RFX3: variants seen among roughly 807,000 people sequenced by gnomAD.
RFX3 encodes the protein regulatory factor X3, also known as transcription factor RFX3.
In RFX3, 14 loss-of-function variants were observed where a neutral mutation model predicts 98.6. The observed-to-expected ratio is 0.14, with a 90% confidence interval of 0.09 to 0.22. The LOEUF (loss-of-function observed/expected upper bound fraction) is 0.22, where lower values mean the gene tolerates loss of function less well. Ranked by LOEUF, RFX3 falls within the 10% of genes least tolerant of loss-of-function variation. The probability of loss-of-function intolerance (pLI) is 1.00; values close to 1 mark genes in which losing one functional copy is unlikely to be tolerated. For missense variants in RFX3, 639 were observed against 926.9 expected, an observed-to-expected ratio of 0.69 and a Z score of 4.03; for synonymous variants, 383 against 328.4, an observed-to-expected ratio of 1.17 and a Z score of -1.80.
At chr9:3,237,805 G>T (rs637109) in intron 15 of RFX3, among the ~76,000 whole-genome samples, 1 of 151,888 alleles carries the variant, frequency 6.6e-6, no homozygotes, top group Non-Finnish European at 1.5e-5. Context: ...AAATACAGGA[G>T]TGGAGCACAG....
At chr9:3,493,554 C>G (rs142891348) in intron 1 of RFX3, among the ~76,000 whole-genome samples, 3 of 151,244 alleles carry the variant, frequency 2.0e-5, no homozygotes, top group Admixed American at 2.0e-4. Context: ...CGTGGTGGCA[C>G]GCGCCTGTAT....
chr9:3,439,802 C>T (rs1458190782), intron 1 of RFX3, among the ~76,000 whole-genome samples: 1 of 151,940 alleles, frequency 6.6e-6, no homozygotes, highest in Non-Finnish European at 1.5e-5. Flanking sequence ...TACTTTAATA[C>T]ACATGGAGAT....
At chr9:3,260,280 C>G (rs1822698348) in intron 13 of RFX3, among the ~76,000 whole-genome samples, 1 of 151,472 alleles carries the variant, frequency 6.6e-6, no homozygotes, top group Non-Finnish European at 1.5e-5. Context: ...ACATGATAGT[C>G]AAAAATAGAG....
chr9:3,243,315 T>G (rs1820204473), intron 15 of RFX3, among the ~76,000 whole-genome samples: 1 of 105,158 alleles, frequency 9.5e-6, no homozygotes, highest in African/African-American at 3.4e-5. Context: ...AATTGTTTCC[T>G]TTTTATCATT....
At chr9:3,372,578 C>T (rs1465660080) in intron 2 of RFX3, among the ~76,000 whole-genome samples, 1 of 142,696 alleles carries the variant, frequency 7.0e-6, no homozygotes, top group East Asian at 2.0e-4. Context: ...GATGGAGTCT[C>T]GCTCTGTCAC....
chr9:3,374,910 A>T (rs369125049), intron 2 of RFX3, among the ~76,000 whole-genome samples: 1 of 152,038 alleles, frequency 6.6e-6, no homozygotes, highest in Non-Finnish European at 1.5e-5. Context: ...GACTTCTTCC[A>T]GCTCCACAGT....
chr9:3,251,847 TTC>T (rs1821447106), intron 14 of RFX3, among the ~76,000 whole-genome samples: 1 of 151,932 alleles, frequency 6.6e-6, no homozygotes, highest in African/African-American at 2.4e-5. Flanking sequence ...CTATTTCTCT[TTC>T]TCTTTTTTTT....
intron 1 of RFX3, among the ~76,000 whole-genome samples, chr9:3,439,592 C>T (rs992496811): frequency 6.6e-6 from 1 of 151,932 alleles, no homozygotes; most frequent in African/African-American, 2.4e-5. Context: ...TACCTAAGCT[C>T]ACTCAAGAAG....
intron 8 of RFX3, among the ~76,000 whole-genome samples, chr9:3,275,964 T>A (rs1331285390): frequency 6.6e-6 from 1 of 152,154 alleles, no homozygotes. Flanking sequence ...TATTATGTTG[T>A]TTAATTACAT....
intron 1 of RFX3, among the ~76,000 whole-genome samples, chr9:3,441,805 T>C (rs1236238142): frequency 2.0e-5 from 3 of 152,094 alleles, no homozygotes; most frequent in South Asian, 2.1e-4. Flanking sequence ...AGATAGGACA[T>C]AAAACCCTCT....
intron 1 of RFX3, among the ~76,000 whole-genome samples, chr9:3,504,068 C>T (rs985892154): frequency 4.7e-5 from 7 of 148,222 alleles, no homozygotes; most frequent in Non-Finnish European, 8.9e-5. Context: ...ATGGCTCAAT[C>T]GGCTCGATTC....
At chr9:3,452,119 A>G (rs191405058) in intron 1 of RFX3, among the ~76,000 whole-genome samples, 1 of 150,658 alleles carries the variant, frequency 6.6e-6, no homozygotes, top group Admixed American at 6.6e-5. Flanking sequence ...GCTTTCTGTT[A>G]CCCCTATGGG....
intron 2 of RFX3, among the ~76,000 whole-genome samples, chr9:3,379,992 T>A (rs886253939): frequency 6.6e-6 from 1 of 152,006 alleles, no homozygotes; most frequent in East Asian, 1.9e-4. Context: ...AATGGTGTGA[T>A]CTCAGCTCAC....
intron 4 of RFX3, among the ~76,000 whole-genome samples, chr9:3,301,990 A>G (rs1242399818): frequency 6.6e-6 from 1 of 151,910 alleles, no homozygotes; most frequent in African/African-American, 2.4e-5. Flanking sequence ...CCACCTAAAG[A>G]GTATTTAATA....
chr9:3,312,218 G>C (rs1830041692), intron 4 of RFX3, among the ~76,000 whole-genome samples: 2 of 152,180 alleles, frequency 1.3e-5, no homozygotes, highest in Admixed American at 1.3e-4. Flanking sequence ...GTATGTAGAT[G>C]TGCACTCATG....
At chr9:3,374,621 A>C (rs1178889633) in intron 2 of RFX3, among the ~76,000 whole-genome samples, 1 of 152,236 alleles carries the variant, frequency 6.6e-6, no homozygotes, top group African/African-American at 2.4e-5. Context: ...CAAAAAGACA[A>C]ATACAGTATG....
At chr9:3,236,438 T>C (rs949856559) in intron 15 of RFX3, among the ~76,000 whole-genome samples, 36 of 152,284 alleles carry the variant, frequency 2.4e-4, no homozygotes, top group African/African-American at 7.9e-4. Context: ...CAAAAGAATA[T>C]GTTAAAGTAC....
chr9:3,376,259 T>C (rs987806354), intron 2 of RFX3, among the ~76,000 whole-genome samples: 4 of 152,156 alleles, frequency 2.6e-5, no homozygotes, highest in Non-Finnish European at 5.9e-5. Flanking sequence ...GTATAACCAG[T>C]TTGAAAAATA....
chr9:3,352,113 T>C (rs1835207939), intron 2 of RFX3, among the ~76,000 whole-genome samples: 1 of 152,044 alleles, frequency 6.6e-6, no homozygotes. Flanking sequence ...ATATGTATTT[T>C]AGGCAAGATT....
Sources: gnomAD v4.1 joint callset for allele counts (sites outside exome capture counted in the v4.1 genomes callset) on GRCh38, gnomAD v4.1.1 for gene constraint, MANE v1.5 for transcripts, NCBI Gene and HGNC (gene_info 2026-07-23, HGNC 2026-07-21) for gene names.